RIF1: variants seen among roughly 807,000 people sequenced by gnomAD.
RIF1 encodes the protein replication timing regulatory factor 1, also known as telomere-associated protein RIF1.
In RIF1, 45 loss-of-function variants were observed where a neutral mutation model predicts 247.1. The observed-to-expected ratio is 0.18, with a 90% CI of 0.14 to 0.23. The LOEUF (loss-of-function observed/expected upper bound fraction) is 0.23, where lower values mean the gene tolerates loss of function less well. Ranked by LOEUF, RIF1 falls within the 10% of genes least tolerant of loss-of-function variation. The probability of loss-of-function intolerance (pLI) is 1.00; values close to 1 mark genes in which losing one functional copy is unlikely to be tolerated. For synonymous variants in RIF1, 1,087 were observed against 978.8 expected, an observed-to-expected ratio of 1.11 and a Z score of -2.06; for missense variants, 2,967 against 2,862.5, an observed-to-expected ratio of 1.04 and a Z score of -0.83.
Position 151,455,029 on chromosome 2 carries a change from C to G in RIF1, c.2479C>G (p.Leu827Val), listed in dbSNP as rs1694955958. Residue 827 changes from leucine (L) to valine (V), a missense_variant, in exon 22 of 36, where the codon CTC becomes GTC. Transcript: ENST00000444746. The stretch of plus-strand genomic sequence containing the variant: ...CTTCAAGGAAGCACATTCTGATACC[C>G]TCTTCACTATTGGCAACTCAATCAC... ...LSFKEAHSDT[L>V]FTIGNSITGI... The G allele has an allele frequency of 1.9e-6, 3 of 1,613,802 alleles. No homozygotes were observed. Among genetic ancestry groups the G allele is most frequent in the African/African-American group, 1.3e-5 (1 of 74,908 alleles).
At position 151,478,041 on chromosome 2, in the gene RIF1, A is replaced by G. The variant is rs1014618510; in HGVS notation, c.*2970A>G. 3.9e-5 allele frequency: 6 copies of G among 152,156 alleles called. No individual in the cohort carries two copies. The highest frequency in any genetic ancestry group is 1.4e-4 in the African/African-American group (6 of 41,428). 9.4% of individuals were successfully genotyped at this position (152,156 alleles called of 1,614,324 possible). On this transcript the variant is annotated 3_prime_UTR_variant, in exon 36 of 36. Transcript: ENST00000444746. ...TCCATATCTATGAAATCTATTTTGGATTTTAGAGTGGATTTAAATTTTCAA... is the reference window on the plus strand; with the variant it reads ...TCCATATCTATGAAATCTATTTTGGGTTTTAGAGTGGATTTAAATTTTCAA...
rs1559349019 is a variant in RIF1 at position 151,507,105 on chromosome 2, G to C, written c.*1028-624G>C. On this transcript the variant is annotated intron_variant and NMD_transcript_variant, in intron 13 of 13. Transcript: ENST00000454583. ...ATTATGTGAAGAAAATTAAAATCCT[G>C]TATCTTTAAAAAAAAGTCTATGCAC... 3.8e-6 allele frequency: 3 copies of C among 795,230 alleles called. No individual in the cohort carries two copies. The South Asian group carries it at 4.9e-5, about 13-fold the overall frequency. The allele number at this position is 795,230 out of a possible 1,614,324, so 49.3% of individuals were successfully genotyped here.
Position 151,475,762 on chromosome 2 carries a change from A to T in RIF1, c.*691A>T, listed in dbSNP as rs752628350. 9 of 152,802 alleles carry T rather than the reference A, an allele frequency of 5.9e-5. No homozygotes were observed. Among genetic ancestry groups the T allele is most frequent in the Non-Finnish European group, 1.2e-4 (8 of 68,162 alleles). 9.5% of individuals were successfully genotyped at this position (152,802 alleles called of 1,614,324 possible). On this transcript the variant is annotated 3_prime_UTR_variant, in exon 36 of 36. Transcript: ENST00000444746. ...TATAGTATTCATTTTTAAATGCATGATTGTACATTATGTATAGACGACAAT... is the reference window on the plus strand; with the variant it reads ...TATAGTATTCATTTTTAAATGCATGTTTGTACATTATGTATAGACGACAAT...
chr2:151,452,491 A>C (rs887169876), intron 21 of RIF1, among the ~76,000 whole-genome samples: 1 of 152,224 alleles, frequency 6.6e-6, no homozygotes, highest in African/African-American at 2.4e-5. Flanking sequence ...GAGTTTTCTA[A>C]AACATTCTTA....
At chr2:151,411,430 C>T in intron 3 of RIF1, 92 bp downstream of exon 3, 1 of 797,514 alleles carries the variant, frequency 1.3e-6, no homozygotes. Flanking sequence ...TAGTTTTGCT[C>T]TTGTTGCCCA....
rs148540062 is a variant in RIF1, at chr2:151,501,836, A to T, written c.*710-1198A>T. Among the ~76,000 whole-genome samples, 348 of 152,212 alleles carry T rather than the reference A, an allele frequency of 2.3e-3. 9 individuals carry two copies. In the East Asian group the frequency reaches 0.046, roughly 20 times the overall value. ...TAAATTAGGGAACCAAAGAAAGAGGAGAGAGAGAGACAGGTAGGTTTGGGG... is the reference window on the plus strand; with the variant it reads ...TAAATTAGGGAACCAAAGAAAGAGGTGAGAGAGAGACAGGTAGGTTTGGGG... On this transcript the variant is annotated intron_variant and NMD_transcript_variant, in intron 11 of 13. Coordinates refer to the RIF1 transcript ENST00000454583.
intron 9 of RIF1, chr2:151,492,417 C>A: frequency 6.2e-7 from 1 of 1,609,658 alleles, no homozygotes; most frequent in Admixed American, 1.7e-5. Flanking sequence ...TCTCCCTCAC[C>A]CGTCTCATCT....
At chr2:151,423,109 C>G (rs1688445363) in intron 8 of RIF1, 67 bp downstream of exon 8, 11 of 853,606 alleles carry the variant, frequency 1.3e-5, no homozygotes, top group Non-Finnish European at 1.9e-5. Context: ...CTTACCTTTT[C>G]TTTGTACAGT....
intron 9 of RIF1, among the ~76,000 whole-genome samples, chr2:151,489,377 A>G (rs1234076412): frequency 6.6e-6 from 1 of 151,756 alleles, no homozygotes; most frequent in Non-Finnish European, 1.5e-5. Context: ...GCATGTATAT[A>G]TGTGGGCACA....
rs772584927 is a variant in RIF1 at position 151,502,805 on chromosome 2, C to G, written c.*710-229C>G. On this transcript the variant is annotated intron_variant and NMD_transcript_variant, in intron 11 of 13. Transcript: ENST00000454583. The stretch of plus-strand genomic sequence containing the variant: ...CCCTAAGAAATACCGAGCTAAAGTT[C>G]TCTTGATTGCGTTTGACTCTCTCCA... 2.5e-6 allele frequency: 4 copies of G among 1,590,198 alleles called. No homozygotes were observed. The East Asian group carries it at 6.8e-5, about 27-fold the overall frequency.
intron 32 of RIF1, 41 bp downstream of exon 32, chr2:151,468,592 T>A (rs762303225): frequency 1.6e-4 from 260 of 1,603,984 alleles, no homozygotes; most frequent in Non-Finnish European, 2.1e-4. Flanking sequence ...TATATTTTCA[T>A]GTTCAGTCAG....
chr2:151,416,491 CT>C, intron 4 of RIF1, 69 bp from the exon 5 acceptor site: 1 of 1,330,680 alleles, frequency 7.5e-7, no homozygotes, highest in Non-Finnish European at 1.0e-6. Context: ...ATTGTTTTCT[CT>C]AGTTTTATAT....
chr2:151,490,580 A>G, intron 9 of RIF1: 3 of 1,549,620 alleles, frequency 1.9e-6, no homozygotes, highest in Non-Finnish European at 2.6e-6. Context: ...AGTAATGCCT[A>G]ACAGTGATTG....
chr2:151,484,126 A>G (rs939321110), downstream of RIF1, among the ~76,000 whole-genome samples: 4 of 152,174 alleles, frequency 2.6e-5, no homozygotes, highest in Admixed American at 2.0e-4. Context: ...TTTTTGATTC[A>G]TGGTTGGTTG....
At chr2:151,513,564 G>A in the RIF1 span, 222 of 1,558,130 alleles carry the variant, frequency 1.4e-4, 1 homozygote, top group African/African-American at 2.2e-3. Flanking sequence ...GATTGACATC[G>A]AATAGTAGCA....
chr2:151,435,427 A>G, intron 10 of RIF1, 36 bp from the exon 11 acceptor site: 4 of 1,153,984 alleles, frequency 3.5e-6, no homozygotes, highest in Non-Finnish European at 3.9e-6. Flanking sequence ...TGACAGTTGT[A>G]TAGTTTATAG....
At chr2:151,498,106 CTG>C (rs2061558045) in intron 10 of RIF1, 3 of 1,487,820 alleles carry the variant, frequency 2.0e-6, no homozygotes, top group South Asian at 1.3e-5. Flanking sequence ...TTGACATTAA[CTG>C]TATTATAGAA....
chr2:151,469,858 G>A lies in RIF1; in HGVS notation c.7089G>A (p.Glu2363=). 1 of 1,598,106 alleles carries A rather than the reference G, an allele frequency of 6.3e-7. No homozygotes were observed. The change falls in exon 34 of 36, where the codon GAG becomes GAA. Residue 2363 remains glutamate, a synonymous_variant. Transcript: ENST00000444746. ...NVKKALRIYH[E]QQVKTRGLEE... is the part of the protein sequence containing the mutation. ...AAAAGGCTCTCAGAATATATCATGAGCAGCAGGTAAAAACTTAGATATTAG... is the reference window on the plus strand; with the variant it reads ...AAAAGGCTCTCAGAATATATCATGAACAGCAGGTAAAAACTTAGATATTAG...
At position 151,475,212 on chromosome 2, in the gene RIF1, CTTA is replaced by C. The variant is rs1381635416; in HGVS notation, c.*146_*148del. ...CATTTCAAACCCTGAAGGACAGTGACTTATTATGTAAGTTCAATTTTGTAAGTT... is the reference window on the plus strand; with the variant it reads ...CATTTCAAACCCTGAAGGACAGTGACTTATGTAAGTTCAATTTTGTAAGTT... On this transcript the variant is annotated 3_prime_UTR_variant, in exon 36 of 36. Transcript: ENST00000444746. 7.9e-6 allele frequency: 5 copies of C among 636,868 alleles called. No individual in the cohort carries two copies. The highest frequency in any genetic ancestry group is 3.7e-5 in the African/African-American group (2 of 54,050). The allele number at this position is 636,868 out of a possible 1,614,324, so 39.5% of individuals were successfully genotyped here.
Sources: gnomAD v4.1 joint callset for allele counts (sites outside exome capture counted in the v4.1 genomes callset) on GRCh38, gnomAD v4.1.1 for gene constraint, MANE v1.5 for transcripts, NCBI Gene and HGNC (gene_info 2026-07-23, HGNC 2026-07-21) for gene names.